SEC11A: variants seen among roughly 807,000 people sequenced by gnomAD.
The protein encoded by SEC11A is SEC11 homolog A, signal peptidase complex subunit, also known as signal peptidase complex catalytic subunit SEC11A.
SEC11A carries 14 observed loss-of-function variants against 25.6 expected under a neutral mutation model. The ratio of observed to expected loss-of-function variants is 0.55; its 90% CI spans 0.36 to 0.85. The LOEUF is 0.85. Ranked by LOEUF, SEC11A falls within the 40% of genes least tolerant of loss-of-function variation. The pLI, the probability that SEC11A is intolerant of heterozygous loss-of-function variation, is 0.01. For missense variants in SEC11A, 153 were observed against 222.9 expected (o/e 0.69, Z 2.00); for synonymous variants, 83 against 76.4 (o/e 1.09, Z -0.45).
chr15:84,669,906 C>T lies in SEC11A; in HGVS notation c.*113G>A. The T allele has an allele frequency of 6.3e-7, 1 of 1,574,954 alleles. No individual in the cohort carries two copies. On this transcript the variant is annotated 3_prime_UTR_variant, in exon 6 of 6. Transcript: ENST00000268220. ...ATAAACTAATGCAAACCAGTGCTACCCAGAAGCACCAACACGTGTGTTCTC... is the reference window on the plus strand; with the variant it reads ...ATAAACTAATGCAAACCAGTGCTACTCAGAAGCACCAACACGTGTGTTCTC...
intron 4 of SEC11A, chr15:84,680,016 A>C: frequency 8.1e-7 from 1 of 1,234,910 alleles, no homozygotes; most frequent in Non-Finnish European, 1.1e-6. Context: ...ATTCAACCTC[A>C]TCAATTTCAA....
intron 3 of SEC11A, among the ~76,000 whole-genome samples, chr15:84,683,363 C>T (rs1006710361): frequency 6.6e-5 from 10 of 151,650 alleles, no homozygotes; most frequent in African/African-American, 2.2e-4. Context: ...TGGACTATTA[C>T]CAAAGACTTG....
intron 2 of SEC11A, among the ~76,000 whole-genome samples, chr15:84,688,170 T>C (rs551341732): frequency 5.8e-4 from 88 of 152,298 alleles, no homozygotes; most frequent in African/African-American, 2.1e-3. Context: ...GATATGCAAA[T>C]GAGAACTGGA....
intron 3 of SEC11A, among the ~76,000 whole-genome samples, chr15:84,683,513 C>T (rs987340580): frequency 4.6e-5 from 7 of 152,024 alleles, no homozygotes; most frequent in Admixed American, 4.6e-4. Flanking sequence ...TCTTCATCTA[C>T]TTAGTGAAAC....
At chr15:84,692,188 C>A (rs1897632039) in intron 1 of SEC11A, 2 of 152,004 alleles carry the variant, frequency 1.3e-5, no homozygotes, top group Admixed American at 1.3e-4. Context: ...CGTCATCACG[C>A]CCAGCTAATT....
intron 1 of SEC11A, among the ~76,000 whole-genome samples, 170 bp from the exon 2 acceptor site, chr15:84,691,814 C>T (rs1463363514): frequency 6.6e-6 from 1 of 152,044 alleles, no homozygotes; most frequent in African/African-American, 2.4e-5. Context: ...CAAAACAGGC[C>T]CCCCTTCTTT....
At position 84,689,764 on chromosome 15, in the gene SEC11A, C is replaced by T. The variant is rs149783091; in HGVS notation, c.161+1771G>A. Among the ~76,000 whole-genome samples the T allele has an allele frequency of 9.9e-5, 15 of 152,026 alleles. 1 individual carries two copies. The highest frequency in any genetic ancestry group is 8.5e-4 in the Admixed American group (13 of 15,236). On this transcript the variant is annotated intron_variant, in intron 2 of 5. Coordinates refer to ENST00000268220, the MANE Select transcript of SEC11A (RefSeq NM_014300.4). ...CTGGGACTACAGGCGCCTGCCACCACGCCCAGCTAATTTTTGTATTTTTAG... is the reference window on the plus strand; with the variant it reads ...CTGGGACTACAGGCGCCTGCCACCATGCCCAGCTAATTTTTGTATTTTTAG...
intron 4 of SEC11A, among the ~76,000 whole-genome samples, chr15:84,680,245 G>A (rs1422814008): frequency 2.0e-5 from 3 of 151,430 alleles, no homozygotes; most frequent in African/African-American, 7.3e-5. Context: ...AGGCTGCAGT[G>A]AGCTGAGATC....
At chr15:84,704,901 C>T (rs930781446) in intron 1 of SEC11A, among the ~76,000 whole-genome samples, 1 of 147,658 alleles carries the variant, frequency 6.8e-6, no homozygotes, top group Admixed American at 6.9e-5. Flanking sequence ...CTGTTTTCTG[C>T]ATATGCTACT....
At chr15:84,688,851 T>G (rs1210238267) in intron 2 of SEC11A, among the ~76,000 whole-genome samples, 2 of 151,884 alleles carry the variant, frequency 1.3e-5, no homozygotes, top group East Asian at 3.9e-4. Context: ...ATCAACACAG[T>G]GAAACCCAGT....
intron 1 of SEC11A, among the ~76,000 whole-genome samples, chr15:84,712,342 G>A (rs138832190): frequency 1.8e-3 from 275 of 152,178 alleles, no homozygotes; most frequent in Middle Eastern, 6.8e-3. Context: ...AGGATGTGGA[G>A]CAACAGGAAC....
In SEC11A at chr15:84,699,829, G is replaced by A. The variant is rs375059846; in HGVS notation, c.52-8185C>T. Among the ~76,000 whole-genome samples the A allele has an allele frequency of 9.9e-5, 15 of 152,058 alleles. No individual in the cohort carries two copies. The East Asian group carries it at 1.5e-3, about 16-fold the overall frequency. On this transcript the variant is annotated intron_variant, in intron 1 of 5. Transcript: ENST00000268220. ...GAACTGGGAGTTCAGGGAGGCAAAA[G>A]CAATGATCAGTGCATGCATGTGAGG...
chr15:84,670,177 A>G (rs143856840), intron 5 of SEC11A, 108 bp from the exon 6 acceptor site: 1 of 944,152 alleles, frequency 1.1e-6, no homozygotes, highest in East Asian at 2.8e-5. Context: ...AAACTACCCA[A>G]TTATTCTTTC....
intron 1 of SEC11A, among the ~76,000 whole-genome samples, chr15:84,700,087 C>T (rs924852940): frequency 2.6e-5 from 4 of 151,964 alleles, no homozygotes; most frequent in Admixed American, 6.5e-5. Context: ...GAAGACCAAA[C>T]TGTTTCCAAC....
chr15:84,693,488 T>C (rs1157204783), intron 1 of SEC11A, among the ~76,000 whole-genome samples: 1 of 151,140 alleles, frequency 6.6e-6, no homozygotes, highest in Non-Finnish European at 1.5e-5. Flanking sequence ...GACAGGGTCT[T>C]GCTCTATCAC....
chr15:84,703,510 G>T (rs1202322292), intron 1 of SEC11A, among the ~76,000 whole-genome samples: 1 of 152,146 alleles, frequency 6.6e-6, no homozygotes, highest in African/African-American at 2.4e-5. Context: ...CCTGATTTGT[G>T]ATGGTTCAAC....
chr15:84,679,143 T>C (rs1372475033), intron 4 of SEC11A: 14 of 440,840 alleles, frequency 3.2e-5, no homozygotes, highest in Non-Finnish European at 5.2e-5. Flanking sequence ...ATTGATATTT[T>C]CTTATGTTTC....
chr15:84,699,004 A>G (rs1230842850), intron 1 of SEC11A, among the ~76,000 whole-genome samples: 2 of 152,174 alleles, frequency 1.3e-5, no homozygotes, highest in Non-Finnish European at 2.9e-5. Flanking sequence ...CACATGCAAC[A>G]TAGGTGAATT....
At chr15:84,697,160 G>A (rs1897792254) in intron 1 of SEC11A, among the ~76,000 whole-genome samples, 1 of 152,072 alleles carries the variant, frequency 6.6e-6, no homozygotes, top group African/African-American at 2.4e-5. Context: ...TACTTAAGAA[G>A]CTGAGGTAGG....
Sources: gnomAD v4.1 joint callset for allele counts (sites outside exome capture counted in the v4.1 genomes callset) on GRCh38, gnomAD v4.1.1 for gene constraint, MANE v1.5 for transcripts, NCBI Gene and HGNC (gene_info 2026-07-23, HGNC 2026-07-21) for gene names.